Variants in PCM1 observed in about 807,000 individuals in gnomAD.
PCM1 encodes the protein pericentriolar material 1 protein.
In PCM1, 157 loss-of-function variants were observed where a neutral mutation model predicts 241.9. The ratio of observed to expected loss-of-function variants is 0.65; its 90% CI spans 0.57 to 0.74. The LOEUF is 0.74. PCM1 is among the 30% of genes least tolerant of loss of function. The probability of loss-of-function intolerance (pLI) is 0.00; values close to 1 mark genes in which losing one functional copy is unlikely to be tolerated. For synonymous variants in PCM1, 1,085 were observed against 784.9 expected (o/e 1.38, Z -6.39); for missense variants, 3,478 against 2,360.1 (o/e 1.47, Z -9.81).
At chr8:17,929,537 A>G (rs779700214) in intron 2 of PCM1, among the ~76,000 whole-genome samples, 4 of 152,194 alleles carry the variant, frequency 2.6e-5, no homozygotes, top group African/African-American at 4.8e-5. Flanking sequence ...ACTTGAACTC[A>G]TCATCATCCT....
At position 17,964,968 on chromosome 8, in the gene PCM1, A is replaced by C. The variant is rs148401680; in HGVS notation, c.2855+200A>C. On this transcript the variant is annotated intron_variant, in intron 18 of 38. Transcript: ENST00000325083. ...TAAGACTGCCCTCACCTCAGACTTC[A>C]ATTTCAACTGCTTGGTCCCCACGTT... Among the ~76,000 whole-genome samples the C allele has an allele frequency of 2.6e-3, 394 of 152,236 alleles. 9 individuals carry two copies. The East Asian group carries it at 0.034, about 13-fold the overall frequency.
chr8:18,025,853 A>T (rs1159533354), intron 38 of PCM1, among the ~76,000 whole-genome samples, 195 bp downstream of exon 38: 1 of 152,160 alleles, frequency 6.6e-6, no homozygotes, highest in Non-Finnish European at 1.5e-5. Flanking sequence ...TTCTATTCAC[A>T]TCTTTAGTTT....
At chr8:17,968,762 GTATATATA>G (rs1554688770) in intron 21 of PCM1, among the ~76,000 whole-genome samples, 102 of 136,780 alleles carry the variant, frequency 7.5e-4, no homozygotes, top group African/African-American at 2.7e-3. Context: ...GTGTGTGTGT[GTATATATA>G]TATATATACA....
At chr8:18,013,713 G>A (rs2092796414) in intron 34 of PCM1, 1 of 340,150 alleles carries the variant, frequency 2.9e-6, no homozygotes, top group Non-Finnish European at 5.2e-6. Context: ...GAAAAAAAAT[G>A]AACAGTGCAG....
At chr8:17,988,531 G>T (rs747333700) in intron 26 of PCM1, among the ~76,000 whole-genome samples, 2 of 151,704 alleles carry the variant, frequency 1.3e-5, no homozygotes, top group Non-Finnish European at 3.0e-5. Flanking sequence ...AACTATAAAA[G>T]AAAAAATTAA....
intron 23 of PCM1, among the ~76,000 whole-genome samples, chr8:17,977,931 A>G (rs1054326434): frequency 6.6e-6 from 1 of 152,192 alleles, no homozygotes; most frequent in Non-Finnish European, 1.5e-5. Flanking sequence ...AGTGAATATA[A>G]CAGTGCATAT....
At chr8:17,924,181 G>T (rs149979167) in intron 1 of PCM1, among the ~76,000 whole-genome samples, 85 of 152,078 alleles carry the variant, frequency 5.6e-4, no homozygotes, top group African/African-American at 1.9e-3. Flanking sequence ...CAGAGCCTCG[G>T]GTGCACCTGC....
rs551613572 is a variant in PCM1, at chr8:18,006,518, G to A, written c.4962+121G>A. On this transcript the variant is annotated intron_variant, in intron 30 of 38. Coordinates refer to ENST00000325083, the MANE Select transcript of PCM1 (RefSeq NM_006197.4). ...TATTCTGGTGGACATCCAATCTAGCGTCCATTTGGGATGATGTTGTAATAC... is the reference window on the plus strand; with the variant it reads ...TATTCTGGTGGACATCCAATCTAGCATCCATTTGGGATGATGTTGTAATAC... 36 of 641,822 alleles carry A rather than the reference G, an allele frequency of 5.6e-5. No individual in the cohort carries two copies. In the Middle Eastern group the frequency reaches 1.1e-3, roughly 20 times the overall value. 39.8% of individuals were successfully genotyped at this position (641,822 alleles called of 1,614,324 possible). A position where few individuals can be genotyped will look rare whatever the true frequency, so the allele number is the denominator to read the frequency against.
rs562474745 is a variant in PCM1, at chr8:17,967,042, G to A, written c.3284G>A (p.Gly1095Asp). The A allele has an allele frequency of 1.9e-6, 3 of 1,609,516 alleles. No individual in the cohort carries two copies. Among genetic ancestry groups the A allele is most frequent in the African/African-American group, 1.3e-5 (1 of 74,966 alleles). Residue 1095 changes from glycine to aspartate, a missense_variant, in exon 21 of 39, where the codon GGC (glycine) becomes GAC (aspartate). Coordinates refer to ENST00000325083, the MANE Select transcript of PCM1 (RefSeq NM_006197.4). The stretch of plus-strand genomic sequence containing the variant: ...AATCAGCATCCAGAAAAACCTGGAG[G>A]CAAGGAAAGAGGCAGTAGTGCATCG... Reference protein sequence around the residue: ...QQNQHPEKPGGKERGSSASHP... With the variant: ...QQNQHPEKPGDKERGSSASHP...
intron 2 of PCM1, among the ~76,000 whole-genome samples, chr8:17,929,638 A>C (rs546216818): frequency 9.2e-5 from 14 of 151,810 alleles, no homozygotes; most frequent in African/African-American, 2.9e-4. Context: ...TTATCTTTTA[A>C]CTCTACTATC....
chr8:18,023,824 TAAC>T (rs1434227122), intron 36 of PCM1, among the ~76,000 whole-genome samples: 1 of 152,232 alleles, frequency 6.6e-6, no homozygotes, highest in Non-Finnish European at 1.5e-5. Context: ...TCAGGGAAGC[TAAC>T]ACTGTGTAAA....
chr8:17,964,661 TGAAGAG>T lies in PCM1; in HGVS notation c.2751_2756del (p.Glu921_Glu922del), dbSNP rs1318289423. The T allele has an allele frequency of 6.2e-7, 1 of 1,613,756 alleles. No individual in the cohort carries two copies. Among genetic ancestry groups the T allele is most frequent in the Non-Finnish European group, 8.5e-7 (1 of 1,179,820 alleles). On this transcript the variant is annotated inframe_deletion, in exon 18 of 39. Coordinates refer to ENST00000325083, the MANE Select transcript of PCM1 (RefSeq NM_006197.4). ...TTTCTGAAGGAATTGTTCGGACAGATGAAGAGGAGGAAGAAGAGCAAGATGCCAGTT... is the reference window on the plus strand; with the variant it reads ...TTTCTGAAGGAATTGTTCGGACAGATGAGGAAGAAGAGCAAGATGCCAGTT...
chr8:17,940,381 AT>A (rs2129450682), intron 6 of PCM1, among the ~76,000 whole-genome samples: 1 of 152,264 alleles, frequency 6.6e-6, no homozygotes, highest in South Asian at 2.1e-4. Flanking sequence ...TGAAAATGTA[AT>A]TTTTGATCTT....
At chr8:17,932,587 T>C (rs73580035) in intron 2 of PCM1, among the ~76,000 whole-genome samples, 26 of 152,246 alleles carry the variant, frequency 1.7e-4, no homozygotes, top group African/African-American at 6.0e-4. Flanking sequence ...ACAAATTCTC[T>C]GTATAACAAA....
At chr8:17,974,112 A>G (rs113145954) in intron 23 of PCM1, among the ~76,000 whole-genome samples, 2,566 of 152,292 alleles carry the variant, frequency 0.017, 59 homozygotes, top group African/African-American at 0.057. Context: ...TAGCATACAC[A>G]TTATCAGCCT....
chr8:18,027,695 T>C lies in PCM1; in HGVS notation c.*33T>C. 1.3e-6 allele frequency: 2 copies of C among 1,514,268 alleles called. No homozygotes were observed. Among genetic ancestry groups the C allele is most frequent in the African/African-American group, 1.4e-5 (1 of 73,338 alleles). The allele number at this position is 1,514,268 out of a possible 1,614,324, so 93.8% of individuals were successfully genotyped here. ...TCAGAGGCTCATCTAACTCTGTCCTTACATACTCAATGCATATATGAAAAC... is the reference window on the plus strand; with the variant it reads ...TCAGAGGCTCATCTAACTCTGTCCTCACATACTCAATGCATATATGAAAAC... On this transcript the variant is annotated 3_prime_UTR_variant, in exon 39 of 39. Coordinates refer to ENST00000325083, the MANE Select transcript of PCM1 (RefSeq NM_006197.4).
chr8:18,007,985 A>G (rs182966563), intron 30 of PCM1, among the ~76,000 whole-genome samples: 10 of 152,334 alleles, frequency 6.6e-5, no homozygotes, highest in African/African-American at 1.9e-4. Context: ...TTCTCAACCT[A>G]AAATAATCAA....
In PCM1 at chr8:17,957,755, G is replaced by A; in HGVS notation, c.2020G>A (p.Asp674Asn). The change falls in exon 13 of 39, where the codon GAT (aspartate) becomes AAT (asparagine). Residue 674 changes from aspartate (D) to asparagine (N), a missense_variant. By Grantham distance (23) the Asp-to-Asn change is conservative. Transcript: ENST00000325083. ...AAAACAGAAACTTAGACAGTTACAA[G>A]ATCTTGTTGCTATGGTACAGGTAAA... is the stretch of plus-strand genomic sequence containing the variant. ...AAKQKLRQLQ[D>N]LVAMVQDDDA... The A allele has an allele frequency of 6.2e-7, 1 of 1,612,660 alleles. No homozygotes were observed. The highest frequency in any genetic ancestry group is 2.2e-5 in the East Asian group (1 of 44,862).
chr8:17,998,195 A>G (rs902554978), intron 29 of PCM1, among the ~76,000 whole-genome samples: 8 of 151,648 alleles, frequency 5.3e-5, no homozygotes, highest in African/African-American at 1.7e-4. Context: ...TGAGGTCATG[A>G]TTTTTGGTCC....
Sources: allele counts gnomAD v4.1 joint callset (sites outside exome capture counted in the v4.1 genomes callset), GRCh38; gene constraint gnomAD v4.1.1; transcripts MANE v1.5; gene names NCBI Gene and HGNC (gene_info 2026-07-23, HGNC 2026-07-21).